The following ZDHHC17 variants were observed in gnomAD, a reference collection of about 807,000 sequenced individuals.
ZDHHC17 encodes the protein zDHHC palmitoyltransferase 17, also known as palmitoyltransferase ZDHHC17.
A neutral mutation model predicts 90.3 loss-of-function variants in ZDHHC17; 40 were observed. That is an observed-to-expected ratio of 0.44 (90% CI 0.34 to 0.58). The LOEUF is 0.58. Among genes scored for constraint, ZDHHC17 ranks in the 20% least tolerant of loss-of-function variants. The pLI is 0.01. For missense variants in ZDHHC17, 614 were observed against 780.8 expected, an observed-to-expected ratio of 0.79 and a Z score of 2.55; for synonymous variants, 235 against 252.4, an observed-to-expected ratio of 0.93 and a Z score of 0.65.
At chr12:76,834,875 C>T (rs1027263017) in intron 10 of ZDHHC17, among the ~76,000 whole-genome samples, 6 of 152,148 alleles carry the variant, frequency 3.9e-5, no homozygotes, top group African/African-American at 1.4e-4. Flanking sequence ...ATTGATCTGT[C>T]TGCCTGTATT....
At chr12:76,838,107 G>C (rs5023608) in intron 10 of ZDHHC17, among the ~76,000 whole-genome samples, 92,800 of 151,756 alleles carry the variant, frequency 0.61, 28,416 homozygotes, top group East Asian at 0.67. Context: ...CTAGAATCAC[G>C]CTTTTCATCT....
chr12:76,845,048 T>G (rs901955268), intron 12 of ZDHHC17: 37 of 26,206 alleles, frequency 1.4e-3, no homozygotes, highest in African/African-American at 3.3e-3. Context: ...ATATGGGGTT[T>G]TTTTTTTTGC....
chr12:76,848,129 C>A, intron 14 of ZDHHC17, 104 bp from the exon 15 acceptor site: 2 of 1,198,240 alleles, frequency 1.7e-6, no homozygotes, highest in Non-Finnish European at 2.4e-6. Flanking sequence ...TCAGTTAAAT[C>A]TAGACTGTTT....
At chr12:76,846,531 T>C in intron 13 of ZDHHC17, 65 bp from the exon 14 acceptor site, 1 of 1,233,298 alleles carries the variant, frequency 8.1e-7, no homozygotes, top group Non-Finnish European at 1.2e-6. Context: ...GGCATACCCC[T>C]CAAAGGTGCA....
At chr12:76,839,095 C>T (rs1024489154) in intron 10 of ZDHHC17, among the ~76,000 whole-genome samples, 1 of 152,132 alleles carries the variant, frequency 6.6e-6, no homozygotes, top group Non-Finnish European at 1.5e-5. Context: ...AGGAAGGCCA[C>T]GGTCCTATTG....
chr12:76,782,854 G>T (rs985179434), intron 1 of ZDHHC17, among the ~76,000 whole-genome samples: 3 of 151,982 alleles, frequency 2.0e-5, no homozygotes, highest in African/African-American at 7.3e-5. Context: ...AGAATGAGGG[G>T]TAGTCAGCAG....
At chr12:76,809,547 A>G (rs1250641621) in intron 4 of ZDHHC17, among the ~76,000 whole-genome samples, 166 bp from the exon 5 acceptor site, 1 of 152,176 alleles carries the variant, frequency 6.6e-6, no homozygotes, top group African/African-American at 2.4e-5. Flanking sequence ...TAAGACTTCT[A>G]AGAACCATAA....
chr12:76,773,486 G>T (rs1481234388), intron 1 of ZDHHC17, among the ~76,000 whole-genome samples: 1 of 152,144 alleles, frequency 6.6e-6, no homozygotes, highest in Non-Finnish European at 1.5e-5. Flanking sequence ...CCCACTGAAG[G>T]ACGTCTTATT....
chr12:76,805,629 T>C (rs1243686730), intron 3 of ZDHHC17, among the ~76,000 whole-genome samples, 190 bp downstream of exon 3: 1 of 152,242 alleles, frequency 6.6e-6, no homozygotes, highest in East Asian at 1.9e-4. Context: ...ATTAGCCAAG[T>C]ACTGTACTGA....
At chr12:76,767,938 G>A (rs1057305447) in intron 1 of ZDHHC17, among the ~76,000 whole-genome samples, 4 of 151,974 alleles carry the variant, frequency 2.6e-5, no homozygotes, top group African/African-American at 9.7e-5. Flanking sequence ...AAGCTGTGGT[G>A]ACAAACTGAA....
At chr12:76,796,832 A>T (rs187353522) in intron 1 of ZDHHC17, among the ~76,000 whole-genome samples, 2 of 152,348 alleles carry the variant, frequency 1.3e-5, no homozygotes, top group Admixed American at 1.3e-4. Context: ...AGTTGATCTG[A>T]TGATGAGGTA....
intron 1 of ZDHHC17, among the ~76,000 whole-genome samples, chr12:76,794,397 C>T (rs979306304): frequency 1.4e-4 from 22 of 152,048 alleles, no homozygotes; most frequent in Non-Finnish European, 2.9e-5. Context: ...TGTCATTTGT[C>T]ACATTGACAA....
chr12:76,829,471 AAAAAAAAAAAAAAG>A, intron 10 of ZDHHC17, among the ~76,000 whole-genome samples: 1 of 149,934 alleles, frequency 6.7e-6, no homozygotes, highest in African/African-American at 2.4e-5. Flanking sequence ...AAAAAAAAAA[AAAAAAAAAAAAAAG>A]AACTACCATT....
chr12:76,800,927 G>A (rs1353235177), intron 2 of ZDHHC17, among the ~76,000 whole-genome samples: 2 of 122,628 alleles, frequency 1.6e-5, no homozygotes, highest in African/African-American at 3.1e-5. Flanking sequence ...TTGCTCTATC[G>A]CCTAGGCTGG....
At position 76,809,695 on chromosome 12, in the gene ZDHHC17, T is replaced by G; in HGVS notation, c.399-18T>G. The G allele has an allele frequency of 7.0e-7, 1 of 1,428,926 alleles. No homozygotes were observed. The highest frequency in any genetic ancestry group is 9.2e-7 in the Non-Finnish European group (1 of 1,090,308). The allele number at this position is 1,428,926 out of a possible 1,614,324, so 88.5% of individuals were successfully genotyped here. A position where few individuals can be genotyped will look rare whatever the true frequency, so the allele number is the denominator to read the frequency against. On this transcript the variant is annotated intron_variant, in intron 4 of 16. Transcript: ENST00000426126. ...AAATAACTTTATATATCTAAGTGTT[T>G]ATTCTTTTATGTTTTAGACAAGGCC... is the stretch of plus-strand genomic sequence containing the variant.
At chr12:76,775,929 T>C (rs1442547652) in intron 1 of ZDHHC17, among the ~76,000 whole-genome samples, 1 of 152,158 alleles carries the variant, frequency 6.6e-6, no homozygotes, top group East Asian at 1.9e-4. Flanking sequence ...TTCTAGACAG[T>C]GTTTTCTTTG....
intron 1 of ZDHHC17, among the ~76,000 whole-genome samples, chr12:76,765,849 C>T (rs1380043776): frequency 6.6e-6 from 1 of 152,074 alleles, no homozygotes; most frequent in African/African-American, 2.4e-5. Context: ...CACAGGCTCG[C>T]GCCACCATAC....
At chr12:76,788,331 G>A (rs1179782731) in intron 1 of ZDHHC17, among the ~76,000 whole-genome samples, 1 of 152,170 alleles carries the variant, frequency 6.6e-6, no homozygotes, top group African/African-American at 2.4e-5. Flanking sequence ...AAAGGGCCAA[G>A]GGTGTACAGT....
chr12:76,797,465 G>A lies in ZDHHC17; in HGVS notation c.125G>A (p.Gly42Glu), dbSNP rs762423098. The part of the protein sequence containing the change: ...EIKPQSHYNH[G>E]YGEPLGRKTH... The stretch of plus-strand genomic sequence containing the variant: ...AAACCCCAAAGCCATTATAACCATG[G>A]ATATGGTGAACCTCTTGGACGGAAA... Residue 42 changes from glycine to glutamate, a missense_variant, in exon 2 of 17, where the codon GGA becomes GAA. Physicochemically the swap from Gly to Glu is moderately conservative, Grantham distance 98. Coordinates refer to ENST00000426126, the MANE Select transcript of ZDHHC17 (RefSeq NM_015336.4). The A allele has an allele frequency of 1.2e-6, 2 of 1,609,910 alleles. No individual in the cohort carries two copies. The highest frequency in any genetic ancestry group is 8.5e-7 in the Non-Finnish European group (1 of 1,177,966).
Sources: allele counts gnomAD v4.1 joint callset (sites outside exome capture counted in the v4.1 genomes callset), GRCh38; gene constraint gnomAD v4.1.1; transcripts MANE v1.5; gene names NCBI Gene and HGNC (gene_info 2026-07-23, HGNC 2026-07-21).